FEZ2: variants seen among roughly 807,000 people sequenced by gnomAD.
FEZ2 encodes the protein fasciculation and elongation protein zeta 2, also known as fasciculation and elongation protein zeta-2.
In FEZ2, 51 loss-of-function variants were observed where a neutral mutation model predicts 40.4. The observed-to-expected ratio is 1.26, with a 90% CI of 1.01 to 1.59. FEZ2 has a LOEUF of 1.59. Among genes scored for constraint, FEZ2 ranks in the 40% most tolerant of loss-of-function variants. The pLI is 0.00. For missense variants in FEZ2, 640 were observed against 438.3 expected (o/e 1.46, Z -4.11); for synonymous variants, 242 against 172.0 (o/e 1.41, Z -3.18).
Position 36,558,527 on chromosome 2 carries a change from A to G in FEZ2, c.904-14T>C. On this transcript the variant is annotated splice_polypyrimidine_tract_variant and intron_variant, in intron 5 of 7. Transcript: ENST00000405912. ...TGTAGTCAAATACTGCCAAGTTTAA[A>G]AAAAAAAAGTGTCACTTAAATCGGA... is the stretch of plus-strand genomic sequence containing the variant. 6.8e-7 allele frequency: 1 copy of G among 1,465,882 alleles called. No individual in the cohort carries two copies. Among genetic ancestry groups the G allele is most frequent in the Non-Finnish European group, 9.1e-7 (1 of 1,096,374 alleles). The allele number at this position is 1,465,882 out of a possible 1,614,324, so 90.8% of individuals were successfully genotyped here. A position where few individuals can be genotyped will look rare whatever the true frequency, so the allele number is the denominator to read the frequency against.
At chr2:36,576,042 T>A (rs1468919450) in intron 5 of FEZ2, among the ~76,000 whole-genome samples, 2 of 152,222 alleles carry the variant, frequency 1.3e-5, no homozygotes, top group Non-Finnish European at 2.9e-5. Context: ...TCACCATTTT[T>A]TAGGAATTAG....
intron 2 of FEZ2, among the ~76,000 whole-genome samples, chr2:36,588,650 C>T (rs1668978134): frequency 1.3e-5 from 2 of 151,930 alleles, no homozygotes; most frequent in African/African-American, 4.8e-5. Flanking sequence ...ATACCTAATA[C>T]AAGGTAAATG....
In FEZ2 at chr2:36,578,621, A is replaced by T. The variant is rs1573018925; in HGVS notation, c.879T>A (p.Asn293Lys). ...CTGTGCCGGGCATATGACTTCTCTC[A>T]TTCTTCCCATTCTGAGAGCTGCCAT... Reference protein sequence around the residue: ...LKNGSSQNGKNERSHMPGTYL... With the variant: ...LKNGSSQNGKKERSHMPGTYL... The change falls in exon 5 of 8, where the codon AAT (asparagine) becomes AAA (lysine). Residue 293 changes from asparagine to lysine, a missense_variant. Asn to Lys is a moderately conservative substitution (Grantham distance 94). Coordinates refer to ENST00000405912, the MANE Select transcript of FEZ2 (RefSeq NM_005102.3). 1 of 1,612,972 alleles carries T rather than the reference A, an allele frequency of 6.2e-7. No homozygotes were observed. The highest frequency in any genetic ancestry group is 8.5e-7 in the Non-Finnish European group (1 of 1,179,700).
intron 4 of FEZ2, chr2:36,579,072 G>A (rs1219009956): frequency 4.1e-6 from 2 of 490,460 alleles, no homozygotes; most frequent in Non-Finnish European, 3.5e-6. Context: ...GAGGTAAGTG[G>A]GCAGGTGAGT....
chr2:36,579,010 C>A, intron 4 of FEZ2, 145 bp from the exon 5 acceptor site: 1 of 668,250 alleles, frequency 1.5e-6, no homozygotes, highest in Non-Finnish European at 2.5e-6. Context: ...ATTAAATTGA[C>A]TGTGGGTGAT....
At chr2:36,574,405 G>A (rs1437876583) in intron 5 of FEZ2, among the ~76,000 whole-genome samples, 2 of 152,060 alleles carry the variant, frequency 1.3e-5, no homozygotes, top group African/African-American at 4.8e-5. Flanking sequence ...GGTACCTAAG[G>A]TTGGATCTAC....
intron 4 of FEZ2, among the ~76,000 whole-genome samples, chr2:36,580,695 G>A (rs1668711369): frequency 6.6e-6 from 1 of 152,144 alleles, no homozygotes; most frequent in Non-Finnish European, 1.5e-5. Context: ...CAAATATGAT[G>A]GGGTTTCTTA....
rs535911919 is a variant in FEZ2 at position 36,585,580 on chromosome 2, T to C, written c.376-2111A>G. ...TTTACTAAAATGAGTTCTACGGCTC[T>C]ATTGAGGCTGAACTGGTCAGCTAAT... On this transcript the variant is annotated intron_variant, in intron 2 of 7. Coordinates refer to ENST00000405912, the MANE Select transcript of FEZ2 (RefSeq NM_005102.3). Among the ~76,000 whole-genome samples, 4 of 152,330 alleles carry C rather than the reference T, an allele frequency of 2.6e-5. No individual in the cohort carries two copies. The South Asian group carries it at 8.3e-4, about 32-fold the overall frequency.
At chr2:36,568,708 G>A (rs1208481082) in intron 5 of FEZ2, among the ~76,000 whole-genome samples, 1 of 152,180 alleles carries the variant, frequency 6.6e-6, no homozygotes, top group Non-Finnish European at 1.5e-5. Flanking sequence ...ACTGACAAAT[G>A]CCAAAGTAAT....
At chr2:36,596,849 CA>C (rs1194121914) in intron 1 of FEZ2, among the ~76,000 whole-genome samples, 2 of 152,118 alleles carry the variant, frequency 1.3e-5, no homozygotes, top group Admixed American at 6.6e-5. Context: ...CCTTTACTCT[CA>C]CCATTCCTAT....
chr2:36,585,268 G>C (rs574444106), intron 2 of FEZ2, among the ~76,000 whole-genome samples: 3 of 152,252 alleles, frequency 2.0e-5, no homozygotes, highest in East Asian at 3.9e-4. Context: ...CTAGGATAAA[G>C]ACATTTTCAG....
chr2:36,575,685 A>G lies in FEZ2; in HGVS notation c.903+2912T>C, dbSNP rs78516436. On this transcript the variant is annotated intron_variant, in intron 5 of 7. Coordinates refer to ENST00000405912, the MANE Select transcript of FEZ2 (RefSeq NM_005102.3). Reference sequence around the variant, plus strand: ...TTTCATGGTCTAATGAAATTTTCCAATGCTCTAAATAGCATCCCTATGCCC... The same window carrying G: ...TTTCATGGTCTAATGAAATTTTCCAGTGCTCTAAATAGCATCCCTATGCCC... Among the ~76,000 whole-genome samples the G allele has an allele frequency of 2.0e-4, 31 of 152,314 alleles. No homozygotes were observed. The East Asian group carries it at 5.2e-3, about 26-fold the overall frequency.
intron 2 of FEZ2, among the ~76,000 whole-genome samples, chr2:36,586,903 G>A (rs555648672): frequency 2.6e-5 from 4 of 152,302 alleles, no homozygotes; most frequent in South Asian, 2.1e-4. Context: ...CTATGATGGC[G>A]CCACTGTACT....
intron 5 of FEZ2, among the ~76,000 whole-genome samples, chr2:36,572,494 T>C (rs1464417701): frequency 6.6e-6 from 1 of 152,206 alleles, no homozygotes; most frequent in Non-Finnish European, 1.5e-5. Context: ...ATTGGCAAAC[T>C]TTTTCTGTCA....
chr2:36,581,359 C>A lies in FEZ2; in HGVS notation c.565G>T (p.Asp189Tyr), dbSNP rs781716577. Residue 189 changes from aspartate (D) to tyrosine (Y), a missense_variant, in exon 4 of 8, where the codon GAT becomes TAT. Transcript: ENST00000405912. Reference sequence around the variant, plus strand: ...TCCTGGGAAAGCATTGAAAGCCGATCTGACTGTGTAGGGGTTTCATCATCT... The same window carrying A: ...TCCTGGGAAAGCATTGAAAGCCGATATGACTGTGTAGGGGTTTCATCATCT... Reference protein sequence around the residue: ...PEDDETPTQSDRLSMLSQEIQ... With the variant: ...PEDDETPTQSYRLSMLSQEIQ... 6.2e-7 allele frequency: 1 copy of A among 1,613,708 alleles called. No homozygotes were observed. Among genetic ancestry groups the A allele is most frequent in the African/African-American group, 1.3e-5 (1 of 75,052 alleles).
At chr2:36,559,738 C>A (rs3770801) in intron 5 of FEZ2, among the ~76,000 whole-genome samples, 6,240 of 152,312 alleles carry the variant, frequency 0.041, 543 homozygotes, top group East Asian at 0.39. Context: ...CACCCTGGCC[C>A]GCTCTCTGGC....
intron 1 of FEZ2, among the ~76,000 whole-genome samples, chr2:36,597,675 C>G (rs1669267702): frequency 6.6e-6 from 1 of 152,148 alleles, no homozygotes; most frequent in African/African-American, 2.4e-5. Context: ...CGGAGGTTTT[C>G]AGGGCTCGTG....
At chr2:36,574,361 T>C (rs1668502858) in intron 5 of FEZ2, among the ~76,000 whole-genome samples, 2 of 152,176 alleles carry the variant, frequency 1.3e-5, no homozygotes, top group South Asian at 4.2e-4. Flanking sequence ...AAGTTTATCT[T>C]TCGTTCACTC....
chr2:36,563,064 G>A (rs1668134285), intron 5 of FEZ2, among the ~76,000 whole-genome samples: 1 of 152,186 alleles, frequency 6.6e-6, no homozygotes, highest in South Asian at 2.1e-4. Context: ...GCCAATTCCT[G>A]TCACTAGAAA....
Sources: gnomAD v4.1 joint callset for allele counts (sites outside exome capture counted in the v4.1 genomes callset) on GRCh38, gnomAD v4.1.1 for gene constraint, MANE v1.5 for transcripts, NCBI Gene and HGNC (gene_info 2026-07-23, HGNC 2026-07-21) for gene names.